The following PPP6R3 variants were observed in gnomAD, a reference collection of about 807,000 sequenced individuals.
The protein encoded by PPP6R3 is protein phosphatase 6 regulatory subunit 3, also known as serine/threonine-protein phosphatase 6 regulatory subunit 3.
Under a neutral mutation model 110.7 loss-of-function variants are expected in PPP6R3, and 38 were observed. The observed-to-expected ratio is 0.34, with a 90% CI of 0.26 to 0.45. The LOEUF is 0.45. PPP6R3 is among the 20% of genes least tolerant of loss of function. PPP6R3 has a pLI of 1.00. For synonymous variants in PPP6R3, 369 were observed against 373.5 expected (o/e 0.99, Z 0.14); for missense variants, 870 against 1,062.4 (o/e 0.82, Z 2.52).
chr11:68,477,736 A>AT (rs1231712398), intron 1 of PPP6R3, among the ~76,000 whole-genome samples: 39 of 86,684 alleles, frequency 4.5e-4, no homozygotes, highest in Non-Finnish European at 7.8e-4. Flanking sequence ...CTTAAAAAAA[A>AT]AAAAAATATA....
intron 5 of PPP6R3, among the ~76,000 whole-genome samples, chr11:68,548,711 T>C (rs765788038): frequency 6.6e-6 from 1 of 152,186 alleles, no homozygotes; most frequent in African/African-American, 2.4e-5. Context: ...GAACAGAGTT[T>C]ACTTTGAGAA....
intron 6 of PPP6R3, among the ~76,000 whole-genome samples, chr11:68,553,293 C>CT (rs35624425): frequency 0.1 from 14,428 of 138,606 alleles, 815 homozygotes; most frequent in Middle Eastern, 0.17. Context: ...TTTGCTTTTA[C>CT]TTTTTTTTTT....
At chr11:68,532,745 A>G (rs2099248051) in intron 2 of PPP6R3, among the ~76,000 whole-genome samples, 1 of 152,212 alleles carries the variant, frequency 6.6e-6, no homozygotes, top group African/African-American at 2.4e-5. Context: ...TTAACATGGT[A>G]GTGTCTGTTC....
chr11:68,592,455 C>T (rs1300525054), intron 18 of PPP6R3, among the ~76,000 whole-genome samples: 1 of 152,190 alleles, frequency 6.6e-6, no homozygotes, highest in Non-Finnish European at 1.5e-5. Context: ...TTCTTCCAGC[C>T]GTCCAGTCCT....
chr11:68,573,635 A>G (rs936389831), intron 12 of PPP6R3, among the ~76,000 whole-genome samples: 3 of 152,208 alleles, frequency 2.0e-5, no homozygotes, highest in Non-Finnish European at 4.4e-5. Context: ...TCATTGGTAG[A>G]TAATTATTTC....
Position 68,613,196 on chromosome 11 carries a change from A to G in PPP6R3, c.*79A>G. 1.3e-6 allele frequency: 2 copies of G among 1,575,192 alleles called. No homozygotes were observed. Among genetic ancestry groups the G allele is most frequent in the African/African-American group, 1.4e-5 (1 of 74,002 alleles). ...GCTCTGGAGGGGTCAGCTGGAGCCC[A>G]CCAAGCTGTCACTGCTGCACTCACT... On this transcript the variant is annotated 3_prime_UTR_variant, in exon 24 of 24. Coordinates refer to ENST00000393800, the MANE Select transcript of PPP6R3 (RefSeq NM_001164161.2).
At chr11:68,578,230 G>A (rs941710267) in intron 14 of PPP6R3, among the ~76,000 whole-genome samples, 1 of 152,066 alleles carries the variant, frequency 6.6e-6, no homozygotes, top group Non-Finnish European at 1.5e-5. Flanking sequence ...TATCTCAGTG[G>A]GGTTGGGTAC....
chr11:68,573,079 G>T (rs1415271797), intron 12 of PPP6R3, among the ~76,000 whole-genome samples: 5 of 127,274 alleles, frequency 3.9e-5, no homozygotes, highest in African/African-American at 1.5e-4. Flanking sequence ...TTTGTAAATA[G>T]GTAGAGAAAT....
intron 22 of PPP6R3, among the ~76,000 whole-genome samples, chr11:68,607,743 C>G (rs1941026478): frequency 6.6e-6 from 1 of 151,978 alleles, no homozygotes. Flanking sequence ...GTCTGCCTAT[C>G]TAATCTATCA....
chr11:68,480,743 C>T (rs1358937565), intron 1 of PPP6R3, among the ~76,000 whole-genome samples: 4 of 152,088 alleles, frequency 2.6e-5, no homozygotes, highest in Non-Finnish European at 5.9e-5. Flanking sequence ...TTTGAATAAG[C>T]GTCAGCTAGT....
At chr11:68,568,905 C>T (rs1176777895) in intron 10 of PPP6R3, among the ~76,000 whole-genome samples, 1 of 151,988 alleles carries the variant, frequency 6.6e-6, no homozygotes, top group Non-Finnish European at 1.5e-5. Flanking sequence ...GCTGGGGCCA[C>T]AGGCGCCCGC....
chr11:68,481,083 G>T lies in PPP6R3; in HGVS notation c.-158+20256G>T, dbSNP rs11228254. Among the ~76,000 whole-genome samples the T allele has an allele frequency of 2.1e-3, 325 of 152,300 alleles. 3 individuals are homozygous for T. Among genetic ancestry groups the T allele is most frequent in the African/African-American group, 7.4e-3 (309 of 41,566 alleles). ...ATGAGCCAAATCTGTCTCGAGGAAG[G>T]AAGAGAGTAGAGTTTAGCATTTATA... On this transcript the variant is annotated intron_variant, in intron 1 of 23. Transcript: ENST00000393800.
intron 18 of PPP6R3, 131 bp downstream of exon 18, chr11:68,591,837 A>AACAAGGGCATTTCTGGCCAT: frequency 8.7e-7 from 1 of 1,147,740 alleles, no homozygotes; most frequent in Non-Finnish European, 1.2e-6. Context: ...TGTCATGGCC[A>AACAAGGGCATTTCTGGCCAT]GAAATGCCCT....
At chr11:68,580,558 G>T (rs1261393084) in intron 14 of PPP6R3, among the ~76,000 whole-genome samples, 2 of 152,006 alleles carry the variant, frequency 1.3e-5, no homozygotes, top group African/African-American at 4.8e-5. Context: ...TGGACATGGT[G>T]GGTGGGCTGG....
intron 14 of PPP6R3, among the ~76,000 whole-genome samples, chr11:68,580,178 A>G (rs1470006059): frequency 2.0e-5 from 3 of 152,178 alleles, no homozygotes; most frequent in African/African-American, 4.8e-5. Flanking sequence ...AGGGACTTGC[A>G]TGTTGTCCCG....
chr11:68,542,389 G>GTTTTTTCTTTTT (rs2099321782), intron 3 of PPP6R3, among the ~76,000 whole-genome samples: 1 of 40,188 alleles, frequency 2.5e-5, no homozygotes, highest in Non-Finnish European at 4.1e-5. Context: ...AGAAGCTGCT[G>GTTTTTTCTTTTT]TTTTTTTTTT....
At chr11:68,609,511 C>G in intron 22 of PPP6R3, 1 of 1,313,160 alleles carries the variant, frequency 7.6e-7, no homozygotes. Context: ...GTTTTGCTTA[C>G]GTGCAGTCGT....
chr11:68,598,655 AT>A (rs1239905711), intron 19 of PPP6R3, among the ~76,000 whole-genome samples: 4 of 152,346 alleles, frequency 2.6e-5, no homozygotes, highest in East Asian at 1.9e-4. Flanking sequence ...TTTTGTGGAC[AT>A]TCAGAATCAT....
chr11:68,513,291 G>A (rs1373456417), intron 1 of PPP6R3, among the ~76,000 whole-genome samples: 1 of 152,114 alleles, frequency 6.6e-6, no homozygotes, highest in Non-Finnish European at 1.5e-5. Context: ...TGCTGGAGAA[G>A]CTTAATACAA....
Sources: gnomAD v4.1 joint callset for allele counts (sites outside exome capture counted in the v4.1 genomes callset) on GRCh38, gnomAD v4.1.1 for gene constraint, MANE v1.5 for transcripts, NCBI Gene and HGNC (gene_info 2026-07-23, HGNC 2026-07-21) for gene names.